MTA3: variants seen among roughly 807,000 people sequenced by gnomAD.
MTA3 encodes the protein metastasis associated 1 family member 3.
Under a neutral mutation model 83.5 loss-of-function variants are expected in MTA3, and 34 were observed. The ratio of observed to expected loss-of-function variants is 0.41; its 90% CI spans 0.31 to 0.54. The LOEUF is 0.54. MTA3 is among the 20% of genes least tolerant of loss of function. The pLI, the probability that MTA3 is intolerant of heterozygous loss-of-function variation, is 0.33. For missense variants in MTA3, 761 were observed against 726.4 expected (o/e 1.05, Z -0.55); for synonymous variants, 303 against 252.7 (o/e 1.20, Z -1.89).
At chr2:42,561,033 G>C (rs1677650982) in intron 2 of MTA3, among the ~76,000 whole-genome samples, 1 of 152,090 alleles carries the variant, frequency 6.6e-6, no homozygotes, top group Non-Finnish European at 1.5e-5. Flanking sequence ...ATGGGATCCT[G>C]ACCCTATTCA....
At chr2:42,586,431 A>G (rs1424459876) in intron 3 of MTA3, among the ~76,000 whole-genome samples, 1 of 151,116 alleles carries the variant, frequency 6.6e-6, no homozygotes, top group African/African-American at 2.4e-5. Flanking sequence ...AAAGTGAAAA[A>G]AAAAAAAAAG....
At chr2:42,569,743 T>TAAAA (rs1226427611) in intron 1 of MTA3, 1 of 152,186 alleles carries the variant, frequency 6.6e-6, no homozygotes, top group Non-Finnish European at 1.5e-5. Flanking sequence ...TTTATCCTTT[T>TAAAA]AGTTGAAAGC....
At chr2:42,665,693 A>C (rs967206384) in intron 8 of MTA3, among the ~76,000 whole-genome samples, 1 of 152,188 alleles carries the variant, frequency 6.6e-6, no homozygotes, top group African/African-American at 2.4e-5. Context: ...GACTTTGAAG[A>C]CTAAATAATT....
At chr2:42,653,052 G>A (rs1356236685) in intron 6 of MTA3, among the ~76,000 whole-genome samples, 5 of 152,218 alleles carry the variant, frequency 3.3e-5, no homozygotes, top group Non-Finnish European at 5.9e-5. Flanking sequence ...GAAGTACTTT[G>A]TCAGTATTTT....
intron 8 of MTA3, among the ~76,000 whole-genome samples, chr2:42,662,008 A>G (rs1689768743): frequency 1.3e-5 from 2 of 152,164 alleles, no homozygotes; most frequent in African/African-American, 4.8e-5. Flanking sequence ...ATTATTTATT[A>G]TTCCAAAACA....
chr2:42,535,972 T>G (rs1476029850), intron 2 of MTA3, among the ~76,000 whole-genome samples: 1 of 151,718 alleles, frequency 6.6e-6, no homozygotes, highest in Non-Finnish European at 1.5e-5. Flanking sequence ...ATTAAAAAAT[T>G]ACCCAGATGT....
At chr2:42,594,729 T>TATATATATATATATATATATATATATATA in intron 3 of MTA3, among the ~76,000 whole-genome samples, 1 of 19,152 alleles carries the variant, frequency 5.2e-5, no homozygotes, top group East Asian at 9.6e-4. Flanking sequence ...TATATATATA[T>TATATATATATATATATATATATATATATA]TTTTTTTTTT....
intron 6 of MTA3, among the ~76,000 whole-genome samples, chr2:42,652,932 A>G (rs1688848565): frequency 6.6e-6 from 1 of 152,222 alleles, no homozygotes; most frequent in African/African-American, 2.4e-5. Context: ...GGTGCAAAGA[A>G]AACGTTATTG....
intron 8 of MTA3, among the ~76,000 whole-genome samples, chr2:42,662,568 T>C (rs1050623264): frequency 2.0e-5 from 3 of 151,888 alleles, no homozygotes; most frequent in Non-Finnish European, 4.4e-5. Flanking sequence ...GGCCTGTTTA[T>C]AGACTTTTAA....
intron 8 of MTA3, among the ~76,000 whole-genome samples, chr2:42,681,919 T>G (rs1691962575): frequency 6.7e-6 from 1 of 149,570 alleles, no homozygotes; most frequent in African/African-American, 2.5e-5. Flanking sequence ...AAAAGGTAAA[T>G]AAATAAAAAA....
intron 8 of MTA3, among the ~76,000 whole-genome samples, chr2:42,663,418 A>G (rs1323594581): frequency 2.0e-5 from 3 of 152,212 alleles, no homozygotes; most frequent in African/African-American, 7.2e-5. Context: ...GTGATATTTT[A>G]AAGAAGCATT....
chr2:42,707,062 T>G (rs748791869), intron 12 of MTA3, among the ~76,000 whole-genome samples: 1 of 142,434 alleles, frequency 7.0e-6, no homozygotes, highest in Non-Finnish European at 1.5e-5. Flanking sequence ...CCTCCCAGGC[T>G]CAAGCAGTCC....
At chr2:42,533,877 A>G (rs1676099835) in intron 2 of MTA3, among the ~76,000 whole-genome samples, 2 of 151,074 alleles carry the variant, frequency 1.3e-5, no homozygotes, top group Non-Finnish European at 2.9e-5. Flanking sequence ...AAGAATGGCT[A>G]TTCCATAGAC....
chr2:42,586,426 GAA>G (rs200554169), intron 3 of MTA3, among the ~76,000 whole-genome samples: 2 of 42,908 alleles, frequency 4.7e-5, no homozygotes, highest in Non-Finnish European at 1.0e-4. Context: ...ATCTAAAAGT[GAA>G]AAAAAAAAAA....
chr2:42,690,643 G>T (rs1205897127), intron 9 of MTA3, among the ~76,000 whole-genome samples: 1 of 145,798 alleles, frequency 6.9e-6, no homozygotes, highest in Admixed American at 6.8e-5. Flanking sequence ...CATAGTAGGT[G>T]TATATAATTA....
chr2:42,547,311 G>A (rs1399883616), intron 2 of MTA3, among the ~76,000 whole-genome samples: 1 of 152,206 alleles, frequency 6.6e-6, no homozygotes, highest in Admixed American at 6.5e-5. Context: ...CAGCTGGCTT[G>A]GTTACAGCTC....
Position 42,550,076 on chromosome 2 carries a change from A to G in MTA3, c.-140-20361A>G, listed in dbSNP as rs538962112. On this transcript the variant is annotated intron_variant, in intron 2 of 17. Coordinates refer to the MTA3 transcript ENST00000405592. ...ATATGCCAAAGAGCAGCCATAAAGT[A>G]TTTCCTTTAAGTGAAAAGGTGAAAG... Among the ~76,000 whole-genome samples the G allele has an allele frequency of 6.4e-4, 97 of 152,224 alleles. 2 individuals are homozygous for G. Among genetic ancestry groups the G allele is most frequent in the Admixed American group, 5.7e-3 (87 of 15,242 alleles).
intron 2 of MTA3, among the ~76,000 whole-genome samples, chr2:42,531,445 CTTT>C (rs10659582): frequency 1.3e-4 from 10 of 75,334 alleles, no homozygotes; most frequent in African/African-American, 2.3e-4. Flanking sequence ...GAAGCAAACT[CTTT>C]TTTTTTTTTT....
intron 2 of MTA3, among the ~76,000 whole-genome samples, chr2:42,498,317 A>G (rs1674238241): frequency 6.6e-6 from 1 of 152,244 alleles, no homozygotes; most frequent in Non-Finnish European, 1.5e-5. Context: ...CCCAGTGTGC[A>G]GAATGACCCC....
Sources: gnomAD v4.1 joint callset for allele counts (sites outside exome capture counted in the v4.1 genomes callset) on GRCh38, gnomAD v4.1.1 for gene constraint, MANE v1.5 for transcripts, NCBI Gene and HGNC (gene_info 2026-07-23, HGNC 2026-07-21) for gene names.